ZNF616: variants seen among roughly 807,000 people sequenced by gnomAD.
The protein encoded by ZNF616 is zinc finger protein 616.
Under a neutral mutation model 7.6 loss-of-function variants are expected in ZNF616, and 5 were observed. The ratio of observed to expected loss-of-function variants is 0.66; its 90% confidence interval spans 0.34 to 1.38. The LOEUF (loss-of-function observed/expected upper bound fraction) is 1.38. ZNF616 is among the 40% of genes most tolerant of loss of function. The pLI is 0.04. For synonymous variants in ZNF616, 319 were observed against 317.2 expected (o/e 1.01, Z -0.06); for missense variants, 913 against 948.3 (o/e 0.96, Z 0.49).
In ZNF616 at chr19:52,115,574, G is replaced by A. The variant is rs1377012322; in HGVS notation, c.1590C>T (p.Phe530=). ...PYKCKECGKV[F]SDRSAFARHR... is the part of the protein sequence containing the mutation. ...GCCTTGCAAAAGCTGAACGGTCACTGAAGACCTTGCCACATTCTTTGCATT... is the reference window on the plus strand; with the variant it reads ...GCCTTGCAAAAGCTGAACGGTCACTAAAGACCTTGCCACATTCTTTGCATT... The change falls in exon 4 of 4, where the codon TTC becomes TTT. Residue 530 remains phenylalanine, a synonymous_variant. Coordinates refer to ENST00000600228, the MANE Select transcript of ZNF616 (RefSeq NM_178523.5). 1.2e-6 allele frequency: 2 copies of A among 1,614,072 alleles called. No homozygotes were observed. Among genetic ancestry groups the A allele is most frequent in the Admixed American group, 1.7e-5 (1 of 60,008 alleles).
Position 52,115,424 on chromosome 19 carries a change from A to G in ZNF616, c.1740T>C (p.Asn580=), listed in dbSNP as rs1600120186. ...IHSGEKPYKC[N]ECGKVYSQYS... ...ACTGACTGTAGACCTTGCCGCATTC[A>G]TTGCATTTGTAAGGTTTCTCTCCAC... The change falls in exon 4 of 4, where the codon AAT becomes AAC. Residue 580 remains asparagine, a synonymous_variant. Transcript: ENST00000600228. The G allele has an allele frequency of 6.2e-7, 1 of 1,614,008 alleles. No homozygotes were observed. The highest frequency in any genetic ancestry group is 8.5e-7 in the Non-Finnish European group (1 of 1,180,030).
rs1337739540 is a variant in ZNF616 at position 52,115,768 on chromosome 19, T to C, written c.1396A>G (p.Lys466Glu). The change falls in exon 4 of 4, where the codon AAA becomes GAA. Residue 466 changes from lysine to glutamate, a missense_variant. Physicochemically the swap from Lys to Glu is moderately conservative, Grantham distance 56 (BLOSUM62 1). Transcript: ENST00000600228. ...AAAACTTTGCCACATTCATTGCATT[T>C]ATAAGCTTTCTCGCCGGTATGAATT... is the stretch of plus-strand genomic sequence containing the variant. ...WRIHTGEKAY[K>E]CNECGKVFSI... is the part of the protein sequence containing the mutation. The C allele has an allele frequency of 3.1e-6, 5 of 1,614,150 alleles. No individual in the cohort carries two copies. Among genetic ancestry groups the C allele is most frequent in the Non-Finnish European group, 4.2e-6 (5 of 1,180,012 alleles).
rs754758434 is a variant in ZNF616, at chr19:52,115,987, G to A, written c.1177C>T (p.Arg393Cys). ...CGTCGATGCACTGCAAGACTTGAAC[G>A]TTTACTGAAGACCTTGCCACATTCA... ...CNECGKVFSK[R>C]SSLAVHRRIH... The change falls in exon 4 of 4, where the codon CGT becomes TGT. Residue 393 changes from arginine (R) to cysteine (C), a missense_variant. By Grantham distance (180) the Arg-to-Cys change is radical. Coordinates refer to ENST00000600228, the MANE Select transcript of ZNF616 (RefSeq NM_178523.5). 42 of 1,613,808 alleles carry A rather than the reference G, an allele frequency of 2.6e-5. 2 individuals are homozygous for A. In the Admixed American group the frequency reaches 5.2e-4, roughly 20 times the overall value.
At chr19:52,123,806 T>A in intron 3 of ZNF616, 117 bp downstream of exon 3, 4 of 1,307,014 alleles carry the variant, frequency 3.1e-6, no homozygotes, top group Non-Finnish European at 4.3e-6. Flanking sequence ...AGCTTTTTAT[T>A]TTTGAACCAA....
intron 3 of ZNF616, among the ~76,000 whole-genome samples, chr19:52,117,456 A>G (rs2088835367): frequency 6.6e-6 from 1 of 152,204 alleles, no homozygotes; most frequent in African/African-American, 2.4e-5. Flanking sequence ...AATGGTAAAT[A>G]TTCACAAGAT....
chr19:52,133,908 T>C (rs1299665338), intron 1 of ZNF616, among the ~76,000 whole-genome samples: 2 of 152,092 alleles, frequency 1.3e-5, no homozygotes, highest in Non-Finnish European at 2.9e-5. Flanking sequence ...CCAGTGTGTG[T>C]TGTTGCCCTC....
intron 1 of ZNF616, among the ~76,000 whole-genome samples, chr19:52,139,000 A>G (rs113527016): frequency 6.6e-5 from 10 of 151,240 alleles, no homozygotes; most frequent in South Asian, 2.1e-4. Context: ...CCTTTTCCCT[A>G]ATTTCTTTAT....
At chr19:52,131,289 A>G (rs2088958369) in intron 1 of ZNF616, among the ~76,000 whole-genome samples, 13 of 151,330 alleles carry the variant, frequency 8.6e-5, no homozygotes, top group Admixed American at 8.6e-4. Context: ...AAAAAAAAAA[A>G]ATCAACTTGG....
At position 52,114,953 on chromosome 19, in the gene ZNF616, T is replaced by C; in HGVS notation, c.2211A>G (p.Arg737=). Residue 737 remains arginine (R), a synonymous_variant, in exon 4 of 4, where the codon AGA becomes AGG. Coordinates refer to ENST00000600228, the MANE Select transcript of ZNF616 (RefSeq NM_178523.5). ...TATAAGGTTTTTTGCCAGAATGAAT[T>C]CTTTGGTGTTTGCTGAGGGAAAACA... The part of the protein sequence containing the change: ...GRLFSLSKHQ[R]IHSGKKPYKC... 1 of 1,614,196 alleles carries C rather than the reference T, an allele frequency of 6.2e-7. No homozygotes were observed. The highest frequency in any genetic ancestry group is 8.5e-7 in the Non-Finnish European group (1 of 1,180,032).
Position 52,115,906 on chromosome 19 carries a change from T to C in ZNF616, c.1258A>G (p.Lys420Glu), listed in dbSNP as rs1404329131. Reference sequence around the variant, plus strand: ...TGATGCACTGCAAGACTTGAACGTTTACTGAAGACCTTGCCACATTCATTG... The same window carrying C: ...TGATGCACTGCAAGACTTGAACGTTCACTGAAGACCTTGCCACATTCATTG... ...KCNECGKVFS[K>E]RSSLAVHQRI... The change falls in exon 4 of 4, where the codon AAA (lysine) becomes GAA (glutamate). Residue 420 changes from lysine (K) to glutamate (E), a missense_variant. Physicochemically the swap from Lys to Glu is moderately conservative, Grantham distance 56 (BLOSUM62 1). Coordinates refer to ENST00000600228, the MANE Select transcript of ZNF616 (RefSeq NM_178523.5). 1.8e-5 allele frequency: 29 copies of C among 1,612,308 alleles called. No individual in the cohort carries two copies. Among genetic ancestry groups the C allele is most frequent in the Middle Eastern group, 1.6e-4 (1 of 6,062 alleles).
intron 3 of ZNF616, among the ~76,000 whole-genome samples, chr19:52,120,595 C>T (rs949094326): frequency 2.6e-5 from 4 of 152,054 alleles, no homozygotes; most frequent in Non-Finnish European, 5.9e-5. Flanking sequence ...GAAGGACACA[C>T]GCAGGCTGAA....
intron 3 of ZNF616, 34 bp downstream of exon 3, chr19:52,123,889 C>T (rs747038468): frequency 2.9e-5 from 46 of 1,612,674 alleles, no homozygotes; most frequent in East Asian, 6.7e-5. Context: ...TGCACAAGGG[C>T]GAATCTGAAC....
At chr19:52,119,126 C>T (rs1264897286) in intron 3 of ZNF616, among the ~76,000 whole-genome samples, 1 of 152,094 alleles carries the variant, frequency 6.6e-6, no homozygotes, top group African/African-American at 2.4e-5. Flanking sequence ...AGACAGTGTT[C>T]TCAGAAAGTG....
At chr19:52,134,921 G>A (rs2088994681) in intron 1 of ZNF616, among the ~76,000 whole-genome samples, 1 of 152,074 alleles carries the variant, frequency 6.6e-6, no homozygotes, top group Non-Finnish European at 1.5e-5. Flanking sequence ...GCAGACAGAG[G>A]TGGGGGGAAA....
intron 1 of ZNF616, among the ~76,000 whole-genome samples, chr19:52,131,529 G>A (rs1305971246): frequency 6.6e-6 from 1 of 152,168 alleles, no homozygotes; most frequent in African/African-American, 2.4e-5. Context: ...GGGCCAGAAA[G>A]AAACACACAG....
At chr19:52,135,592 C>A (rs1371724192) in intron 1 of ZNF616, among the ~76,000 whole-genome samples, 1 of 152,158 alleles carries the variant, frequency 6.6e-6, no homozygotes, top group Non-Finnish European at 1.5e-5. Flanking sequence ...GCCCTCAGGA[C>A]CAATGCACCA....
rs2088949863 is a variant in ZNF616, at chr19:52,130,604, T to C, written c.-76-16A>G. On this transcript the variant is annotated splice_polypyrimidine_tract_variant and intron_variant, in intron 1 of 3. Coordinates refer to ENST00000600228, the MANE Select transcript of ZNF616 (RefSeq NM_178523.5). ...CACATCAAACCTGAAAGTTAAAAAA[T>C]CTGTTGTTTAATGCTTGGAAACAAC... 1.3e-6 allele frequency: 2 copies of C among 1,539,376 alleles called. No homozygotes were observed. Among genetic ancestry groups the C allele is most frequent in the African/African-American group, 2.8e-5 (2 of 72,428 alleles).
intron 1 of ZNF616, chr19:52,138,508 T>G (rs1269375236): frequency 6.6e-6 from 1 of 152,342 alleles, no homozygotes; most frequent in East Asian, 1.9e-4. Flanking sequence ...CACTACTATG[T>G]GTTTCCCGCT....
At chr19:52,127,663 C>T (rs73934988) in intron 2 of ZNF616, among the ~76,000 whole-genome samples, 10,681 of 152,210 alleles carry the variant, frequency 0.07, 546 homozygotes, top group African/African-American at 0.15. Context: ...GGTATAGCGT[C>T]CTAACAGAAG....
Sources: gnomAD v4.1 joint callset for allele counts (sites outside exome capture counted in the v4.1 genomes callset) on GRCh38, gnomAD v4.1.1 for gene constraint, MANE v1.5 for transcripts, NCBI Gene and HGNC (gene_info 2026-07-23, HGNC 2026-07-21) for gene names.